Variants in SAMD5 observed in about 807,000 individuals in gnomAD.
SAMD5 encodes sterile alpha motif domain containing 5.
In SAMD5, 13 loss-of-function variants were observed where a neutral mutation model predicts 11.3. The ratio of observed to expected loss-of-function variants is 1.15; its 90% CI spans 0.75 to 1.83. The LOEUF (loss-of-function observed/expected upper bound fraction) is 1.83, where lower values mean the gene tolerates loss of function less well. Among genes scored for constraint, SAMD5 ranks in the 40% most tolerant of loss-of-function variants. SAMD5 has a pLI of 0.00. For missense variants in SAMD5, 255 were observed against 239.1 expected, an observed-to-expected ratio of 1.07 and a Z score of -0.44; for synonymous variants, 129 against 111.3, an observed-to-expected ratio of 1.16 and a Z score of -1.00.
chr6:147,652,647 C>T (rs1790502412), intron 1 of SAMD5, among the ~76,000 whole-genome samples: 1 of 152,174 alleles, frequency 6.6e-6, no homozygotes, highest in African/African-American at 2.4e-5. Context: ...GTATTCACTC[C>T]TGAATATGTC....
At chr6:147,787,344 G>A in the SAMD5 span, among the ~76,000 whole-genome samples, 412 of 152,204 alleles carry the variant, frequency 2.7e-3, 3 homozygotes, top group African/African-American at 9.4e-3. Context: ...TCTCACCTGC[G>A]GTAGTCACGG....
At chr6:147,515,580 C>T (rs1788157751) in intron 1 of SAMD5, among the ~76,000 whole-genome samples, 1 of 152,190 alleles carries the variant, frequency 6.6e-6, no homozygotes, top group Middle Eastern at 3.4e-3. Flanking sequence ...ATCTATCCTT[C>T]CATTTATCCA....
intron 1 of SAMD5, among the ~76,000 whole-genome samples, chr6:147,514,720 A>G (rs1200594625): frequency 6.6e-6 from 1 of 152,068 alleles, no homozygotes; most frequent in Non-Finnish European, 1.5e-5. Flanking sequence ...TTTTTCACTG[A>G]AAAGTTGCTC....
the SAMD5 span, among the ~76,000 whole-genome samples, chr6:147,925,811 G>C: frequency 6.6e-6 from 1 of 150,978 alleles, no homozygotes; most frequent in South Asian, 2.1e-4. Flanking sequence ...CAGTGGTTGC[G>C]TTTTCTGCTC....
the SAMD5 span, among the ~76,000 whole-genome samples, chr6:147,874,623 A>T: frequency 6.6e-6 from 1 of 151,250 alleles, no homozygotes; most frequent in East Asian, 2.0e-4. Context: ...CTGAATTTGG[A>T]CTATAAAGAA....
chr6:147,913,655 C>T, the SAMD5 span, among the ~76,000 whole-genome samples: 12 of 152,198 alleles, frequency 7.9e-5, no homozygotes, highest in East Asian at 2.1e-3. Context: ...GAGATCACGC[C>T]ATTGCACTCC....
At chr6:147,861,109 T>C in the SAMD5 span, among the ~76,000 whole-genome samples, 1 of 152,066 alleles carries the variant, frequency 6.6e-6, no homozygotes, top group Admixed American at 6.5e-5. Context: ...CTCCAATGGT[T>C]AGCAGTTGGT....
At chr6:147,699,532 G>A (rs138782919) in intron 1 of SAMD5, among the ~76,000 whole-genome samples, 6 of 152,254 alleles carry the variant, frequency 3.9e-5, no homozygotes, top group African/African-American at 1.4e-4. Flanking sequence ...CTGGGGGTGA[G>A]AGAAATTCTG....
the SAMD5 span, among the ~76,000 whole-genome samples, chr6:147,792,884 A>G: frequency 6.6e-6 from 1 of 152,234 alleles, no homozygotes; most frequent in Admixed American, 6.5e-5. Context: ...TTGTAACTCA[A>G]ATTACAAAAT....
the SAMD5 span, among the ~76,000 whole-genome samples, chr6:147,819,287 G>A: frequency 6.6e-6 from 1 of 152,124 alleles, no homozygotes; most frequent in Non-Finnish European, 1.5e-5. Context: ...GAGAACACAT[G>A]GACACAAAGA....
chr6:147,803,673 A>G, the SAMD5 span, among the ~76,000 whole-genome samples: 20,119 of 152,196 alleles, frequency 0.13, 1,668 homozygotes, highest in East Asian at 0.37. Flanking sequence ...GCATGTAGAC[A>G]AGACATTTGA....
chr6:147,537,557 C>A (rs1397896647), intron 1 of SAMD5, among the ~76,000 whole-genome samples: 1 of 151,688 alleles, frequency 6.6e-6, no homozygotes, highest in Non-Finnish European at 1.5e-5. Context: ...TCGAGACTAT[C>A]CTGGCTAACC....
chr6:147,679,822 T>A (rs1229299684), intron 1 of SAMD5, among the ~76,000 whole-genome samples: 1 of 150,266 alleles, frequency 6.7e-6, no homozygotes, highest in African/African-American at 2.5e-5. Flanking sequence ...TTTTTTTTCA[T>A]GTGGGTATCC....
At chr6:147,850,696 C>A in the SAMD5 span, among the ~76,000 whole-genome samples, 1 of 152,036 alleles carries the variant, frequency 6.6e-6, no homozygotes, top group Non-Finnish European at 1.5e-5. Flanking sequence ...CAGAAATAAA[C>A]AGTACGTTTA....
chr6:147,908,963 C>T, the SAMD5 span, among the ~76,000 whole-genome samples: 5 of 152,116 alleles, frequency 3.3e-5, no homozygotes, highest in African/African-American at 1.2e-4. Context: ...AATCCCAGCA[C>T]TTTGGGAGGC....
In SAMD5 at chr6:147,726,529, C is replaced by T. The variant is rs569880378; in HGVS notation, c.163-10788C>T. Among the ~76,000 whole-genome samples, 63 of 152,278 alleles carry T rather than the reference C, an allele frequency of 4.1e-4. 2 individuals are homozygous for T. In the South Asian group the frequency reaches 0.013, roughly 31 times the overall value. Reference sequence around the variant, plus strand: ...GCCAGGCCTGCCTGGGGCCCAGGCCCAGGCCCAGGTCCAGGCCCAGGCCCC... The same window carrying T: ...GCCAGGCCTGCCTGGGGCCCAGGCCTAGGCCCAGGTCCAGGCCCAGGCCCC... On this transcript the variant is annotated intron_variant, in intron 1 of 1. Transcript: ENST00000566741.
Position 147,642,410 on chromosome 6 carries a change from A to G in SAMD5, c.163-94907A>G, listed in dbSNP as rs1457209365. Among the ~76,000 whole-genome samples the G allele has an allele frequency of 2.6e-5, 4 of 152,176 alleles. No homozygotes were observed. In the East Asian group the frequency reaches 7.7e-4, roughly 29 times the overall value. ...ATCTGTAAAATGAGAGAGTTGTATG[A>G]GATGATCCCAGAGGTCTCACAAAGC... On this transcript the variant is annotated intron_variant, in intron 1 of 1. Transcript: ENST00000566741.
chr6:147,561,521 C>G lies in SAMD5; in HGVS notation c.460-2873C>G, dbSNP rs894508441. 3.9e-5 allele frequency among the ~76,000 whole-genome samples: 6 copies of G among 151,948 alleles called. No individual in the cohort carries two copies. The East Asian group carries it at 1.2e-3, about 29-fold the overall frequency. On this transcript the variant is annotated intron_variant, in intron 1 of 1. Transcript: ENST00000367474. The stretch of plus-strand genomic sequence containing the variant: ...CATGAATTTTAAGAAGGGATCAATG[C>G]CTTTCATGATTTTTAAGTCAACCTA...
intron 1 of SAMD5, among the ~76,000 whole-genome samples, chr6:147,534,448 A>G (rs571437836): frequency 6.6e-6 from 1 of 152,312 alleles, no homozygotes; most frequent in South Asian, 2.1e-4. Flanking sequence ...GAGCCGATTC[A>G]TCAAGACAGG....
Sources: gnomAD v4.1 joint callset for allele counts (sites outside exome capture counted in the v4.1 genomes callset) on GRCh38, gnomAD v4.1.1 for gene constraint, MANE v1.5 for transcripts, NCBI Gene and HGNC (gene_info 2026-07-23, HGNC 2026-07-21) for gene names.